The following PTPRD variants were observed in gnomAD, a reference collection of about 807,000 sequenced individuals.
The protein encoded by PTPRD is receptor-type tyrosine-protein phosphatase delta.
A neutral mutation model predicts 214.5 loss-of-function variants in PTPRD; 34 were observed. The observed-to-expected ratio is 0.16, with a 90% CI of 0.12 to 0.21. The LOEUF (loss-of-function observed/expected upper bound fraction) is 0.21, where lower values mean the gene tolerates loss of function less well. PTPRD is among the 10% of genes least tolerant of loss of function. PTPRD has a pLI of 1.00. For synonymous variants in PTPRD, 1,128 were observed against 845.7 expected (o/e 1.33, Z -5.79); for missense variants, 2,545 against 2,398.7 (o/e 1.06, Z -1.27).
At chr9:9,878,316 C>T (rs1468714246) in intron 5 of PTPRD, among the ~76,000 whole-genome samples, 1 of 152,160 alleles carries the variant, frequency 6.6e-6, no homozygotes, top group East Asian at 1.9e-4. Flanking sequence ...TGAGAGAGTT[C>T]CAAGAGCTTA....
chr9:8,346,518 G>A (rs1857763017), intron 39 of PTPRD, among the ~76,000 whole-genome samples: 1 of 152,078 alleles, frequency 6.6e-6, no homozygotes, highest in South Asian at 2.1e-4. Flanking sequence ...TGAAAAGTGT[G>A]GTGAAATCTC....
intron 11 of PTPRD, among the ~76,000 whole-genome samples, chr9:8,833,431 C>T (rs1383931951): frequency 6.6e-6 from 1 of 151,910 alleles, no homozygotes; most frequent in Non-Finnish European, 1.5e-5. Context: ...ATTTAATTAT[C>T]TAAGTTTATT....
intron 8 of PTPRD, among the ~76,000 whole-genome samples, chr9:9,549,603 G>A (rs1274171532): frequency 1.3e-5 from 2 of 152,128 alleles, no homozygotes; most frequent in Non-Finnish European, 1.5e-5. Flanking sequence ...CCTAAGAAAA[G>A]TAAAAACATG....
chr9:8,824,801 T>G (rs142974113), intron 11 of PTPRD, among the ~76,000 whole-genome samples: 3 of 152,240 alleles, frequency 2.0e-5, no homozygotes, highest in East Asian at 3.9e-4. Flanking sequence ...AAGCAGGGTT[T>G]GCTGAAATTG....
chr9:10,124,258 TATA>T (rs1292214298), intron 3 of PTPRD, among the ~76,000 whole-genome samples: 2 of 152,350 alleles, frequency 1.3e-5, no homozygotes, highest in South Asian at 2.1e-4. Flanking sequence ...TGCATATTCA[TATA>T]ATAAGAATTA....
intron 10 of PTPRD, among the ~76,000 whole-genome samples, chr9:9,153,073 C>A (rs2099878252): frequency 6.6e-6 from 1 of 152,172 alleles, no homozygotes; most frequent in Non-Finnish European, 1.5e-5. Flanking sequence ...TCATGTTAGT[C>A]TATAAATGAC....
chr9:10,020,055 G>C (rs184940744), intron 4 of PTPRD, among the ~76,000 whole-genome samples: 1 of 152,268 alleles, frequency 6.6e-6, no homozygotes, highest in East Asian at 1.9e-4. Context: ...CTCAGTTTCA[G>C]ATGTTGAAGA....
intron 12 of PTPRD, among the ~76,000 whole-genome samples, chr9:8,714,759 C>T (rs2098412450): frequency 6.6e-6 from 1 of 152,140 alleles, no homozygotes. Flanking sequence ...ATCTGAACCC[C>T]TACCCACCCC....
At chr9:10,468,373 C>T (rs983589176) in intron 2 of PTPRD, among the ~76,000 whole-genome samples, 1 of 152,120 alleles carries the variant, frequency 6.6e-6, no homozygotes, top group African/African-American at 2.4e-5. Context: ...AGCTGGAAAC[C>T]ATCATTCTCA....
intron 10 of PTPRD, among the ~76,000 whole-genome samples, chr9:9,155,802 C>T (rs1348150843): frequency 6.6e-6 from 1 of 152,110 alleles, no homozygotes; most frequent in Admixed American, 6.6e-5. Context: ...GTTTGAAAAC[C>T]ACTAATTTAT....
chr9:9,324,009 G>T (rs1968248339), intron 9 of PTPRD, among the ~76,000 whole-genome samples: 1 of 152,112 alleles, frequency 6.6e-6, no homozygotes, highest in Non-Finnish European at 1.5e-5. Context: ...TCCCTACAAA[G>T]GACATGAGCT....
rs371653334 is a variant in PTPRD, at chr9:8,436,575, T to A, written c.4086+17A>T. 6.3e-7 allele frequency: 1 copy of A among 1,577,454 alleles called. No individual in the cohort carries two copies. Among genetic ancestry groups the A allele is most frequent in the African/African-American group, 1.3e-5 (1 of 74,242 alleles). ...TAACTCTTGAAATTACTGTAAAGAATAAACACAGTGAATTACCTCATATTC... is the reference window on the plus strand; with the variant it reads ...TAACTCTTGAAATTACTGTAAAGAAAAAACACAGTGAATTACCTCATATTC... On this transcript the variant is annotated intron_variant, in intron 35 of 45. Transcript: ENST00000381196.
chr9:9,841,572 A>G (rs768488939), intron 5 of PTPRD, among the ~76,000 whole-genome samples: 1 of 152,154 alleles, frequency 6.6e-6, no homozygotes, highest in Non-Finnish European at 1.5e-5. Flanking sequence ...ACATGGACCT[A>G]GCGATAGAAC....
intron 3 of PTPRD, among the ~76,000 whole-genome samples, chr9:10,162,476 A>T (rs2099133090): frequency 6.6e-6 from 1 of 150,962 alleles, no homozygotes; most frequent in Non-Finnish European, 1.5e-5. Context: ...TCTCACTCCT[A>T]TGTGGGAGCT....
intron 11 of PTPRD, among the ~76,000 whole-genome samples, chr9:8,750,957 C>T (rs560089592): frequency 6.6e-6 from 1 of 152,252 alleles, no homozygotes; most frequent in African/African-American, 2.4e-5. Context: ...CCTCCCTGTT[C>T]CCAAGTCTCT....
At chr9:9,180,245 C>A (rs1311474633) in intron 10 of PTPRD, among the ~76,000 whole-genome samples, 1 of 151,892 alleles carries the variant, frequency 6.6e-6, no homozygotes, top group Non-Finnish European at 1.5e-5. Flanking sequence ...GGCACGTATA[C>A]ACCATGGAAT....
chr9:8,447,210 CCT>C (rs1354888904), intron 34 of PTPRD, among the ~76,000 whole-genome samples: 15 of 152,082 alleles, frequency 9.9e-5, no homozygotes, highest in Non-Finnish European at 2.2e-4. Context: ...TACTACAGCT[CCT>C]CTCTTATCTC....
intron 32 of PTPRD, among the ~76,000 whole-genome samples, chr9:8,463,030 C>T (rs1246472582): frequency 6.6e-6 from 1 of 151,804 alleles, no homozygotes; most frequent in Admixed American, 6.6e-5. Context: ...GTCAAGACAT[C>T]AGTATATATG....
intron 3 of PTPRD, among the ~76,000 whole-genome samples, chr9:10,213,896 G>C (rs2099528611): frequency 6.6e-6 from 1 of 151,942 alleles, no homozygotes; most frequent in African/African-American, 2.4e-5. Flanking sequence ...TTCAGAACCT[G>C]TTTTCATTCC....
Sources: allele counts gnomAD v4.1 joint callset (sites outside exome capture counted in the v4.1 genomes callset), GRCh38; gene constraint gnomAD v4.1.1; transcripts MANE v1.5; gene names NCBI Gene and HGNC (gene_info 2026-07-23, HGNC 2026-07-21).